KRR1: variants seen among roughly 807,000 people sequenced by gnomAD.
KRR1 encodes the protein KRR1 small subunit processome component.
Under a neutral mutation model 50.0 loss-of-function variants are expected in KRR1, and 23 were observed. The ratio of observed to expected loss-of-function variants is 0.46; its 90% CI spans 0.33 to 0.65. KRR1 has a LOEUF of 0.65. Ranked by LOEUF, KRR1 falls within the 30% of genes least tolerant of loss-of-function variation. The probability of loss-of-function intolerance (pLI) is 0.02; values close to 1 mark genes in which losing one functional copy is unlikely to be tolerated. For synonymous variants in KRR1, 133 were observed against 146.3 expected, an observed-to-expected ratio of 0.91 and a Z score of 0.66; for missense variants, 419 against 442.4, an observed-to-expected ratio of 0.95 and a Z score of 0.47.
rs1218282060 is a variant in KRR1, at chr12:75,506,667, C to T, written c.394-58G>A. 22 of 1,506,194 alleles carry T rather than the reference C, an allele frequency of 1.5e-5. No individual in the cohort carries two copies. In the East Asian group the frequency reaches 5.2e-4, roughly 36 times the overall value. The allele number at this position is 1,506,194 out of a possible 1,614,324, so 93.3% of individuals were successfully genotyped here. ...TATCAACATTTTTTACAATTACATT[C>T]ATTTTCCAGGCCCACGCTATTGTTA... On this transcript the variant is annotated intron_variant, in intron 3 of 9. Coordinates refer to ENST00000229214, the MANE Select transcript of KRR1 (RefSeq NM_007043.7).
intron 2 of KRR1, among the ~76,000 whole-genome samples, chr12:75,507,631 T>C (rs933968598): frequency 6.6e-6 from 1 of 152,056 alleles, no homozygotes; most frequent in African/African-American, 2.4e-5. Flanking sequence ...TCACCCACAA[T>C]GGCACAACCA....
At chr12:75,501,096 T>C (rs2046390737) in intron 9 of KRR1, 1 of 152,114 alleles carries the variant, frequency 6.6e-6, no homozygotes, top group Admixed American at 6.6e-5. Flanking sequence ...AGGGTTACTT[T>C]AGGAAGAGGA....
intron 6 of KRR1, among the ~76,000 whole-genome samples, chr12:75,504,745 A>G (rs1204822021): frequency 6.6e-6 from 1 of 152,066 alleles, no homozygotes; most frequent in African/African-American, 2.4e-5. Context: ...ACACAGGGAT[A>G]TAACAGTTCT....
intron 2 of KRR1, among the ~76,000 whole-genome samples, chr12:75,507,481 C>G (rs539567132): frequency 3.9e-5 from 6 of 152,226 alleles, no homozygotes; most frequent in African/African-American, 1.4e-4. Flanking sequence ...CACTTGTGAG[C>G]ATAATCTCAA....
chr12:75,502,063 C>T, intron 7 of KRR1, 63 bp from the exon 8 acceptor site: 1 of 1,319,378 alleles, frequency 7.6e-7, no homozygotes, highest in Admixed American at 1.8e-5. Flanking sequence ...ATGTCCTAAG[C>T]AAGTCACAAT....
intron 7 of KRR1, 96 bp downstream of exon 7, chr12:75,503,808 T>C (rs2046410012): frequency 5.6e-6 from 6 of 1,065,814 alleles, no homozygotes; most frequent in South Asian, 1.6e-5. Flanking sequence ...TATATATATA[T>C]ACACATATCC....
intron 1 of KRR1, among the ~76,000 whole-genome samples, chr12:75,510,383 T>A (rs1330385481): frequency 6.6e-6 from 1 of 152,054 alleles, no homozygotes; most frequent in East Asian, 1.9e-4. Context: ...AATCCAAATG[T>A]CCACCGATAG....
chr12:75,493,532 G>C lies in KRR1; in HGVS notation c.*6277C>G, dbSNP rs1199726630. 6.6e-6 allele frequency: 1 copy of C among 152,106 alleles called. No individual in the cohort carries two copies. Among genetic ancestry groups the C allele is most frequent in the Non-Finnish European group, 1.5e-5 (1 of 68,030 alleles). 9.4% of individuals were successfully genotyped at this position (152,106 alleles called of 1,614,324 possible). Reference sequence around the variant, plus strand: ...CTCAGAGTGGATTAGTGGAGGAGAGGATTATAGCACAGAAGAGGAAATAAC... The same window carrying C: ...CTCAGAGTGGATTAGTGGAGGAGAGCATTATAGCACAGAAGAGGAAATAAC... On this transcript the variant is annotated 3_prime_UTR_variant, in exon 10 of 10. Coordinates refer to ENST00000229214, the MANE Select transcript of KRR1 (RefSeq NM_007043.7).
Position 75,496,438 on chromosome 12 carries a change from A to G in KRR1, c.*3371T>C, listed in dbSNP as rs1333132191. On this transcript the variant is annotated 3_prime_UTR_variant, in exon 10 of 10. Coordinates refer to ENST00000229214, the MANE Select transcript of KRR1 (RefSeq NM_007043.7). ...TTAATGAAGAAGTGTAGAAGCTGCA[A>G]GCAGTTAAATTTCCAAGGATGTTTT... 2 of 152,150 alleles carry G rather than the reference A, an allele frequency of 1.3e-5. No individual in the cohort carries two copies. Among genetic ancestry groups the G allele is most frequent in the Non-Finnish European group, 2.9e-5 (2 of 68,030 alleles). 9.4% of individuals were successfully genotyped at this position (152,150 alleles called of 1,614,324 possible).
rs2046346535 is a variant in KRR1 at position 75,495,730 on chromosome 12, C to T, written c.*4079G>A. 1.1e-6 allele frequency: 1 copy of T among 920,402 alleles called. No individual in the cohort carries two copies. Among genetic ancestry groups the T allele is most frequent in the East Asian group, 2.6e-5 (1 of 38,862 alleles). 57.0% of individuals were successfully genotyped at this position (920,402 alleles called of 1,614,324 possible). On this transcript the variant is annotated 3_prime_UTR_variant, in exon 10 of 10. Coordinates refer to ENST00000229214, the MANE Select transcript of KRR1 (RefSeq NM_007043.7). Reference sequence around the variant, plus strand: ...AACATGTAACTTTCTACAGAATTAACAATGAAACCATGTTTTATCTTAACG... The same window carrying T: ...AACATGTAACTTTCTACAGAATTAATAATGAAACCATGTTTTATCTTAACG...
At chr12:75,509,472 C>T (rs2046436814) in intron 1 of KRR1, among the ~76,000 whole-genome samples, 1 of 152,060 alleles carries the variant, frequency 6.6e-6, no homozygotes, top group Admixed American at 6.6e-5. Context: ...ATCCACGTTG[C>T]TATTTCTGGT....
chr12:75,499,037 T>A lies in KRR1; in HGVS notation c.*772A>T. The A allele has an allele frequency of 4.5e-6, 5 of 1,115,426 alleles. No individual in the cohort carries two copies. Among genetic ancestry groups the A allele is most frequent in the South Asian group, 1.7e-5 (1 of 58,580 alleles). 69.1% of individuals were successfully genotyped at this position (1,115,426 alleles called of 1,614,324 possible). A position where few individuals can be genotyped will look rare whatever the true frequency, so the allele number is the denominator to read the frequency against. On this transcript the variant is annotated 3_prime_UTR_variant, in exon 10 of 10. Transcript: ENST00000229214. Reference sequence around the variant, plus strand: ...CCTCATTCACATATGGCTTTTTTTTTAACCAATAACAATTAGGTGTACTTC... The same window carrying A: ...CCTCATTCACATATGGCTTTTTTTTAAACCAATAACAATTAGGTGTACTTC...
At position 75,506,616 on chromosome 12, in the gene KRR1, C is replaced by CAAAAAAAAAAAAAAAA. The variant is rs35071517; in HGVS notation, c.394-23_394-8dup. 2.5e-5 allele frequency: 35 copies of CAAAAAAAAAAAAAAAA among 1,372,760 alleles called. 1 individual carries two copies. In the African/African-American group the frequency reaches 3.6e-4, roughly 14 times the overall value. The allele number at this position is 1,372,760 out of a possible 1,614,324, so 85.0% of individuals were successfully genotyped here. A position where few individuals can be genotyped will look rare whatever the true frequency, so the allele number is the denominator to read the frequency against. On this transcript the variant is annotated splice_polypyrimidine_tract_variant and splice_region_variant and intron_variant, in intron 3 of 9. Coordinates refer to ENST00000229214, the MANE Select transcript of KRR1 (RefSeq NM_007043.7). ...CCTGAAGAATTCGTACTGCCTTTTG[C>CAAAAAAAAAAAAAAAA]AAAAAAAAAAAAAAAAAGAAGACAT...
intron 7 of KRR1, 64 bp from the exon 8 acceptor site, chr12:75,502,064 A>G: frequency 7.8e-7 from 1 of 1,274,804 alleles, no homozygotes. Flanking sequence ...TGTCCTAAGC[A>G]AGTCACAATA....
rs1324688782 is a variant in KRR1, at chr12:75,496,434, T to C, written c.*3375A>G. The C allele has an allele frequency of 6.6e-6, 1 of 152,142 alleles. No homozygotes were observed. Among genetic ancestry groups the C allele is most frequent in the East Asian group, 1.9e-4 (1 of 5,172 alleles). 9.4% of individuals were successfully genotyped at this position (152,142 alleles called of 1,614,324 possible). ...GCATTTAATGAAGAAGTGTAGAAGC[T>C]GCAAGCAGTTAAATTTCCAAGGATG... On this transcript the variant is annotated 3_prime_UTR_variant, in exon 10 of 10. Coordinates refer to ENST00000229214, the MANE Select transcript of KRR1 (RefSeq NM_007043.7).
rs764971593 is a variant in KRR1, at chr12:75,506,296, A to AGAT, written c.603+17_603+19dup. The AGAT allele has an allele frequency of 2.3e-5, 33 of 1,452,546 alleles. 1 individual carries two copies. The highest frequency in any genetic ancestry group is 2.1e-4 in the Middle Eastern group (1 of 4,748). 90.0% of individuals were successfully genotyped at this position (1,452,546 alleles called of 1,614,324 possible). A position where few individuals can be genotyped will look rare whatever the true frequency, so the allele number is the denominator to read the frequency against. On this transcript the variant is annotated intron_variant, in intron 5 of 9. Transcript: ENST00000229214. ...TTGTTCTCTGCTGAAAATGAATCGA[A>AGAT]GATAATACATAGTTCTCACCTCTTT...
intron 1 of KRR1, 92 bp from the exon 2 acceptor site, chr12:75,508,538 A>G (rs1283681513): frequency 1.3e-5 from 11 of 872,010 alleles, no homozygotes; most frequent in South Asian, 1.0e-4. Context: ...CTTTATGAAC[A>G]TCCTATGCAC....
rs1332906418 is a variant in KRR1, at chr12:75,494,897, T to C, written c.*4912A>G. The C allele has an allele frequency of 6.6e-6, 1 of 152,246 alleles. No homozygotes were observed. The highest frequency in any genetic ancestry group is 1.5e-5 in the Non-Finnish European group (1 of 68,048). The allele number at this position is 152,246 out of a possible 1,614,324, so 9.4% of individuals were successfully genotyped here. On this transcript the variant is annotated 3_prime_UTR_variant, in exon 10 of 10. Transcript: ENST00000229214. ...TATAATGGGTATAAATAGACAACAGTAACTTCCTCATAGGGTTTTTGTGAA... is the reference window on the plus strand; with the variant it reads ...TATAATGGGTATAAATAGACAACAGCAACTTCCTCATAGGGTTTTTGTGAA...
At chr12:75,506,438 A>C in intron 4 of KRR1, 39 bp from the exon 5 acceptor site, 1 of 1,605,084 alleles carries the variant, frequency 6.2e-7, no homozygotes. Flanking sequence ...TTACTCTGAA[A>C]AAGTATTAAG....
Sources: allele counts gnomAD v4.1 joint callset (sites outside exome capture counted in the v4.1 genomes callset), GRCh38; gene constraint gnomAD v4.1.1; transcripts MANE v1.5; gene names NCBI Gene and HGNC (gene_info 2026-07-23, HGNC 2026-07-21).